KIAA0586: variants seen among roughly 807,000 people sequenced by gnomAD.
KIAA0586 encodes KIAA0586.
KIAA0586 carries 144 observed loss-of-function variants against 169.8 expected under a neutral mutation model. The ratio of observed to expected loss-of-function variants is 0.85; its 90% CI spans 0.74 to 0.97. The LOEUF is 0.97. Ranked by LOEUF, KIAA0586 falls within the 50% of genes least tolerant of loss-of-function variation. The pLI is 0.00. For missense variants in KIAA0586, 1,854 were observed against 1,823.0 expected, an observed-to-expected ratio of 1.02 and a Z score of -0.31; for synonymous variants, 625 against 612.4, an observed-to-expected ratio of 1.02 and a Z score of -0.30.
At chr14:58,554,193 C>T (rs1375509609), downstream of KIAA0586, among the ~76,000 whole-genome samples, 1 of 151,744 alleles carries the variant, frequency 6.6e-6, no homozygotes, top group Non-Finnish European at 1.5e-5. Flanking sequence ...TTGCTAATGC[C>T]TTGTTGCCCA....
At chr14:58,456,146 T>C (rs761278186) in intron 9 of KIAA0586, among the ~76,000 whole-genome samples, 3 of 152,106 alleles carry the variant, frequency 2.0e-5, no homozygotes, top group Non-Finnish European at 4.4e-5. Context: ...ACCATTCTAC[T>C]GTCTTTAGTG....
intron 29 of KIAA0586, among the ~76,000 whole-genome samples, chr14:58,539,520 G>A (rs776176360): frequency 1.3e-5 from 2 of 152,028 alleles, no homozygotes; most frequent in Non-Finnish European, 2.9e-5. Flanking sequence ...TTAACTTTCC[G>A]ATTCTCTGGC....
intron 29 of KIAA0586, among the ~76,000 whole-genome samples, chr14:58,530,267 C>T (rs1323982894): frequency 1.3e-5 from 2 of 152,114 alleles, no homozygotes; most frequent in Admixed American, 6.5e-5. Context: ...CCATACTGCC[C>T]AAAGTAATTT....
chr14:58,512,467 AT>A (rs1298461476), intron 28 of KIAA0586, 54 bp from the exon 29 acceptor site: 2 of 972,326 alleles, frequency 2.1e-6, no homozygotes, highest in South Asian at 1.8e-5. Context: ...GACTTCTCAG[AT>A]TTTTTTAAGT....
At chr14:58,510,424 A>G (rs2044307090) in intron 28 of KIAA0586, among the ~76,000 whole-genome samples, 1 of 152,138 alleles carries the variant, frequency 6.6e-6, no homozygotes, top group African/African-American at 2.4e-5. Context: ...GCAAAATAAA[A>G]CCACAATGAG....
At chr14:58,517,476 T>A (rs940745585) in intron 29 of KIAA0586, among the ~76,000 whole-genome samples, 1 of 152,192 alleles carries the variant, frequency 6.6e-6, no homozygotes, top group Non-Finnish European at 1.5e-5. Flanking sequence ...TACTACCATG[T>A]GTTGGTGAGG....
chr14:58,472,474 A>T (rs1375582992), intron 18 of KIAA0586, among the ~76,000 whole-genome samples, 195 bp downstream of exon 18: 3 of 152,056 alleles, frequency 2.0e-5, no homozygotes, highest in Non-Finnish European at 4.4e-5. Context: ...ATCTGCCTTC[A>T]TGAAGCTTCA....
Position 58,459,838 on chromosome 14 carries a change from T to G in KIAA0586, c.1657-5T>G. 6.8e-7 allele frequency: 1 copy of G among 1,471,652 alleles called. No homozygotes were observed. The highest frequency in any genetic ancestry group is 9.1e-7 in the Non-Finnish European group (1 of 1,103,312). The allele number at this position is 1,471,652 out of a possible 1,614,324, so 91.2% of individuals were successfully genotyped here. On this transcript the variant is annotated splice_polypyrimidine_tract_variant and splice_region_variant and intron_variant, in intron 12 of 30. Transcript: ENST00000652326. ...TTAAGTAATTTTAACTTTGGTTATG[T>G]TAAGGATGAACTGTCAAGAACAGAT...
intron 21 of KIAA0586, among the ~76,000 whole-genome samples, chr14:58,484,902 A>ATTTT (rs1269889812): frequency 8.0e-5 from 1 of 12,486 alleles, no homozygotes; most frequent in Non-Finnish European, 1.4e-4. Context: ...ATATATATAT[A>ATTTT]TATATATATA....
the KIAA0586 span, among the ~76,000 whole-genome samples, chr14:58,561,594 G>A: frequency 1.6e-4 from 25 of 152,160 alleles, no homozygotes; most frequent in South Asian, 5.2e-3. Flanking sequence ...CTTTTGCCGA[G>A]TATTATTATT....
intron 15 of KIAA0586, 99 bp downstream of exon 15, chr14:58,466,128 G>A: frequency 2.2e-6 from 2 of 918,718 alleles, no homozygotes; most frequent in Non-Finnish European, 3.3e-6. Context: ...GTGGCTCAGA[G>A]TGGTCTGGAA....
At chr14:58,488,474 T>A in intron 23 of KIAA0586, 147 bp from the exon 24 acceptor site, 10 of 877,150 alleles carry the variant, frequency 1.1e-5, no homozygotes, top group Non-Finnish European at 1.7e-5. Context: ...TGAAAACAAC[T>A]TTTAAAAATC....
chr14:58,556,906 C>G, the KIAA0586 span, among the ~76,000 whole-genome samples: 1 of 152,036 alleles, frequency 6.6e-6, no homozygotes, highest in Non-Finnish European at 1.5e-5. Context: ...CCACCACGCC[C>G]GGCTAATTTT....
downstream of KIAA0586, among the ~76,000 whole-genome samples, chr14:58,555,929 T>G (rs1369191174): frequency 6.6e-6 from 1 of 151,482 alleles, no homozygotes; most frequent in Admixed American, 6.5e-5. Context: ...TGTTTAGCAT[T>G]TGAGCTAGCA....
chr14:58,430,130 T>TA (rs1856187894), intron 2 of KIAA0586, among the ~76,000 whole-genome samples: 1 of 152,020 alleles, frequency 6.6e-6, no homozygotes, highest in South Asian at 2.1e-4. Context: ...GATCCCTAAG[T>TA]AAATGCCTAG....
At chr14:58,529,394 C>CGAAA (rs2045809295) in intron 29 of KIAA0586, among the ~76,000 whole-genome samples, 1 of 151,978 alleles carries the variant, frequency 6.6e-6, no homozygotes, top group African/African-American at 2.4e-5. Context: ...CTGGCAGAGA[C>CGAAA]ACAACAAAAA....
At chr14:58,545,001 A>G (rs2046891648) in intron 30 of KIAA0586, among the ~76,000 whole-genome samples, 2 of 152,246 alleles carry the variant, frequency 1.3e-5, no homozygotes, top group Non-Finnish European at 2.9e-5. Context: ...TCATTTAAGT[A>G]TTCCTATACA....
At chr14:58,476,013 G>A (rs750582043) in intron 19 of KIAA0586, among the ~76,000 whole-genome samples, 19 of 152,158 alleles carry the variant, frequency 1.2e-4, no homozygotes, top group Non-Finnish European at 2.4e-4. Flanking sequence ...CAGGAGAATC[G>A]CTTGAACCTG....
At chr14:58,429,337 T>TA in intron 1 of KIAA0586, 26 bp from the exon 2 acceptor site, 1 of 1,413,892 alleles carries the variant, frequency 7.1e-7, no homozygotes, top group African/African-American at 1.4e-5. Flanking sequence ...TTAAAATCAC[T>TA]AAAATCTATT....
Sources: allele counts gnomAD v4.1 joint callset (sites outside exome capture counted in the v4.1 genomes callset), GRCh38; gene constraint gnomAD v4.1.1; transcripts MANE v1.5; gene names NCBI Gene and HGNC (gene_info 2026-07-23, HGNC 2026-07-21).